Variants in GABRA2 observed in about 807,000 individuals in gnomAD.
GABRA2 encodes gamma-aminobutyric acid type A receptor subunit alpha2.
Under a neutral mutation model 48.7 loss-of-function variants are expected in GABRA2, and 16 were observed. That is an observed-to-expected ratio of 0.33 (90% CI 0.22 to 0.50). The LOEUF (loss-of-function observed/expected upper bound fraction) is 0.50, where lower values mean the gene tolerates loss of function less well. GABRA2 is among the 20% of genes least tolerant of loss of function. The pLI is 0.98. For synonymous variants in GABRA2, 185 were observed against 184.5 expected, an observed-to-expected ratio of 1.00 and a Z score of -0.02; for missense variants, 275 against 535.6, an observed-to-expected ratio of 0.51 and a Z score of 4.80.
chr4:46,378,461 C>T (rs544315774), intron 3 of GABRA2, among the ~76,000 whole-genome samples: 2 of 152,048 alleles, frequency 1.3e-5, no homozygotes, highest in Non-Finnish European at 1.5e-5. Flanking sequence ...TTGAAGGCAG[C>T]ATGCTCGTTA....
intron 9 of GABRA2, among the ~76,000 whole-genome samples, chr4:46,256,754 T>G (rs1222917958): frequency 6.6e-6 from 1 of 151,640 alleles, no homozygotes; most frequent in Non-Finnish European, 1.5e-5. Flanking sequence ...TTTGATGAAC[T>G]GCCTGAAATA....
intron 8 of GABRA2, among the ~76,000 whole-genome samples, chr4:46,296,838 A>G (rs966319594): frequency 5.3e-5 from 8 of 152,138 alleles, no homozygotes; most frequent in African/African-American, 2.4e-5. Flanking sequence ...TTGTGCATGT[A>G]TACACCTGTA....
intron 8 of GABRA2, among the ~76,000 whole-genome samples, chr4:46,286,888 T>C (rs1309640108): frequency 6.6e-6 from 1 of 152,188 alleles, no homozygotes; most frequent in Non-Finnish European, 1.5e-5. Context: ...TTTTAATATT[T>C]TGTAAGGTGT....
At position 46,361,544 on chromosome 4, in the gene GABRA2, C is replaced by A. The variant is rs536539705; in HGVS notation, c.187+24530G>T. Among the ~76,000 whole-genome samples the A allele has an allele frequency of 1.9e-4, 29 of 152,334 alleles. No homozygotes were observed. In the South Asian group the frequency reaches 5.8e-3, roughly 30 times the overall value. On this transcript the variant is annotated intron_variant, in intron 3 of 9. Transcript: ENST00000381620. ...CAGGGGCAGGGCCCTCATGGAGAAC[C>A]TCTGCTAGAACAATGAGGAAGGGAA...
chr4:46,324,649 A>G (rs1472739161), intron 4 of GABRA2, among the ~76,000 whole-genome samples: 1 of 151,570 alleles, frequency 6.6e-6, no homozygotes, highest in Non-Finnish European at 1.5e-5. Flanking sequence ...TTGCTGGGGT[A>G]TGATGTGCAA....
intron 8 of GABRA2, among the ~76,000 whole-genome samples, chr4:46,286,357 A>C (rs1722539929): frequency 6.6e-6 from 1 of 152,074 alleles, no homozygotes; most frequent in Admixed American, 6.6e-5. Flanking sequence ...TGTTAATGAA[A>C]ATTTGGATTG....
chr4:46,259,756 A>G (rs1269211198), intron 9 of GABRA2, among the ~76,000 whole-genome samples: 1 of 151,888 alleles, frequency 6.6e-6, no homozygotes, highest in African/African-American at 2.4e-5. Flanking sequence ...GTTAGTCAGA[A>G]AGGACACTAA....
chr4:46,244,186 G>A lies in GABRA2; in HGVS notation c.*6122C>T, dbSNP rs866442532. 1 of 151,510 alleles carries A rather than the reference G, an allele frequency of 6.6e-6. No individual in the cohort carries two copies. Among genetic ancestry groups the A allele is most frequent in the African/African-American group, 2.4e-5 (1 of 41,368 alleles). 9.4% of individuals were successfully genotyped at this position (151,510 alleles called of 1,614,324 possible). A position where few individuals can be genotyped will look rare whatever the true frequency, so the allele number is the denominator to read the frequency against. ...TTTACTTATGTCTTTCTAATTATACGTTACACCTTTTTACACATTATGATC... is the reference window on the plus strand; with the variant it reads ...TTTACTTATGTCTTTCTAATTATACATTACACCTTTTTACACATTATGATC... On this transcript the variant is annotated 3_prime_UTR_variant, in exon 10 of 10. Coordinates refer to ENST00000381620, the MANE Select transcript of GABRA2 (RefSeq NM_000807.4).
intron 5 of GABRA2, among the ~76,000 whole-genome samples, chr4:46,311,521 T>C (rs1412441729): frequency 1.3e-5 from 2 of 152,214 alleles, no homozygotes; most frequent in Non-Finnish European, 2.9e-5. Flanking sequence ...TCTTACATAA[T>C]ACAAGTAACT....
chr4:46,327,499 AAAC>A (rs1730595675), intron 4 of GABRA2, among the ~76,000 whole-genome samples: 2 of 152,014 alleles, frequency 1.3e-5, no homozygotes, highest in Admixed American at 1.3e-4. Flanking sequence ...TAAAGGGAGT[AAAC>A]ATCATTAATT....
intron 3 of GABRA2, among the ~76,000 whole-genome samples, chr4:46,346,927 G>A (rs910084431): frequency 4.6e-5 from 7 of 151,932 alleles, no homozygotes; most frequent in African/African-American, 1.7e-4. Context: ...ATTAATTAAA[G>A]CTGCAAACTA....
At chr4:46,365,507 A>G (rs1449066811) in intron 3 of GABRA2, 1 of 152,130 alleles carries the variant, frequency 6.6e-6, no homozygotes, top group Non-Finnish European at 1.5e-5. Flanking sequence ...TCTCCACATT[A>G]TGACATGTTC....
intron 8 of GABRA2, among the ~76,000 whole-genome samples, chr4:46,294,747 T>TG (rs1491438379): frequency 6.7e-6 from 1 of 149,116 alleles, no homozygotes. Flanking sequence ...ATAACTACTC[T>TG]TTTTTTTTGA....
At chr4:46,266,636 G>T (rs1277167510) in intron 8 of GABRA2, among the ~76,000 whole-genome samples, 2 of 149,292 alleles carry the variant, frequency 1.3e-5, no homozygotes, top group African/African-American at 4.9e-5. Flanking sequence ...TTTATTTCTA[G>T]TTCATTGAGC....
chr4:46,334,953 T>C (rs899609027), intron 3 of GABRA2, among the ~76,000 whole-genome samples: 3 of 152,174 alleles, frequency 2.0e-5, no homozygotes, highest in East Asian at 1.9e-4. Context: ...AATGAGTTTT[T>C]TGGTTTTTTT....
At chr4:46,327,036 C>T (rs1730508438) in intron 4 of GABRA2, among the ~76,000 whole-genome samples, 1 of 151,950 alleles carries the variant, frequency 6.6e-6, no homozygotes, top group African/African-American at 2.4e-5. Flanking sequence ...TCTCCATCTT[C>T]AGTTCCACTG....
chr4:46,277,327 A>T (rs1720691766), intron 8 of GABRA2, among the ~76,000 whole-genome samples: 1 of 152,132 alleles, frequency 6.6e-6, no homozygotes, highest in African/African-American at 2.4e-5. Context: ...GGCAGCTTGC[A>T]TCTGATTATC....
intron 4 of GABRA2, among the ~76,000 whole-genome samples, chr4:46,319,367 T>C (rs1456322363): frequency 6.6e-6 from 1 of 151,744 alleles, no homozygotes; most frequent in East Asian, 1.9e-4. Context: ...TTGTGGCTAA[T>C]AAAGGCTAGT....
At chr4:46,256,160 T>C in intron 9 of GABRA2, 1 of 597,996 alleles carries the variant, frequency 1.7e-6, no homozygotes, top group Non-Finnish European at 3.0e-6. Flanking sequence ...GTTAACTGTC[T>C]ACTAATCATC....
Sources: allele counts gnomAD v4.1 joint callset (sites outside exome capture counted in the v4.1 genomes callset), GRCh38; gene constraint gnomAD v4.1.1; transcripts MANE v1.5; gene names NCBI Gene and HGNC (gene_info 2026-07-23, HGNC 2026-07-21).